The following AGFG2 variants were observed in gnomAD, a reference collection of about 807,000 sequenced individuals.
AGFG2 encodes the protein ArfGAP with FG repeats 2.
AGFG2 carries 31 observed loss-of-function variants against 48.0 expected under a neutral mutation model. That is an observed-to-expected ratio of 0.65 (90% CI 0.49 to 0.87). AGFG2 has a LOEUF of 0.87. Ranked by LOEUF, AGFG2 falls within the 40% of genes least tolerant of loss-of-function variation. The probability of loss-of-function intolerance (pLI) is 0.00; values close to 1 mark genes in which losing one functional copy is unlikely to be tolerated. For missense variants in AGFG2, 599 were observed against 632.6 expected, an observed-to-expected ratio of 0.95 and a Z score of 0.57; for synonymous variants, 229 against 260.8, an observed-to-expected ratio of 0.88 and a Z score of 1.18.
Position 100,539,236 on chromosome 7 carries a change from GC to G in AGFG2, c.-110del. 1 of 1,126,098 alleles carries G rather than the reference GC, an allele frequency of 8.9e-7. No individual in the cohort carries two copies. Among genetic ancestry groups the G allele is most frequent in the Non-Finnish European group, 1.1e-6 (1 of 880,640 alleles). 69.8% of individuals were successfully genotyped at this position (1,126,098 alleles called of 1,614,324 possible). The stretch of plus-strand genomic sequence containing the variant: ...GCGAAGTCTCCTGCGGATGCCGCCC[GC>G]TCCCGAGCTTCTGTCAGGGGAGCCG... On this transcript the variant is annotated 5_prime_UTR_variant, in exon 1 of 12. An upstream open reading frame in the 5' UTR gains an earlier in-frame stop. Coordinates refer to ENST00000300176, the MANE Select transcript of AGFG2 (RefSeq NM_006076.5).
intron 11 of AGFG2, among the ~76,000 whole-genome samples, chr7:100,564,565 C>T (rs1800964880): frequency 6.6e-6 from 1 of 151,562 alleles, no homozygotes; most frequent in Non-Finnish European, 1.5e-5. Flanking sequence ...TCTCCCAGGC[C>T]CAATCTCAGC....
chr7:100,546,300 T>C (rs1467016803), intron 1 of AGFG2, among the ~76,000 whole-genome samples: 12 of 152,078 alleles, frequency 7.9e-5, no homozygotes, highest in Non-Finnish European at 1.8e-4. Flanking sequence ...CATACCTCCC[T>C]GTTTACAGTT....
At chr7:100,545,341 A>T in intron 1 of AGFG2, among the ~76,000 whole-genome samples, 1 of 152,190 alleles carries the variant, frequency 6.6e-6, no homozygotes, top group East Asian at 1.9e-4. Flanking sequence ...TCACAGAAAA[A>T]CAAAAGGTGT....
At chr7:100,539,655 G>A (rs1348968896) in intron 1 of AGFG2, 88 bp downstream of exon 1, 12 of 1,082,054 alleles carry the variant, frequency 1.1e-5, no homozygotes, top group Non-Finnish European at 1.3e-5. Context: ...CGCGAGGGAA[G>A]GGGGCCGAGG....
chr7:100,561,031 G>C (rs1183353353), intron 6 of AGFG2, among the ~76,000 whole-genome samples: 1 of 148,214 alleles, frequency 6.7e-6, no homozygotes, highest in Non-Finnish European at 1.5e-5. Flanking sequence ...GTGTCAGCCA[G>C]GTTGGTCTTG....
rs1264604883 is a variant in AGFG2 at position 100,551,065 on chromosome 7, TATTTC to T, written c.431+555_431+559del. Among the ~76,000 whole-genome samples, 818 of 103,836 alleles carry T rather than the reference TATTTC, an allele frequency of 7.9e-3. 22 individuals are homozygous for T. The highest frequency in any genetic ancestry group is 0.015 in the Middle Eastern group (3 of 204). The allele number at this position is 103,836 out of a possible 152,430, so 68.1% of individuals were successfully genotyped here. A position where few individuals can be genotyped will look rare whatever the true frequency, so the allele number is the denominator to read the frequency against. On this transcript the variant is annotated intron_variant, in intron 3 of 11. Transcript: ENST00000300176. ...ATATATATATATATATATATATATA[TATTTC>T]TTTTTTTTTTTTTTTTTGAGACAGA...
At chr7:100,540,191 C>T (rs1461015757) in intron 1 of AGFG2, among the ~76,000 whole-genome samples, 1 of 151,590 alleles carries the variant, frequency 6.6e-6, no homozygotes, top group Non-Finnish European at 1.5e-5. Flanking sequence ...AGCCATGGTC[C>T]AGAGTTCAGG....
intron 9 of AGFG2, 132 bp from the exon 10 acceptor site, chr7:100,563,702 G>C (rs1472441761): frequency 1.2e-5 from 16 of 1,344,924 alleles, no homozygotes; most frequent in Non-Finnish European, 1.5e-5. Context: ...AGAGTTCCAT[G>C]GCTGGGTCCC....
Position 100,550,257 on chromosome 7 carries a change from A to G in AGFG2, c.316-139A>G, listed in dbSNP as rs1437934238. ...CGGAGGTGGAGGTTGCAGTGAGCTG[A>G]GATCGTGCCACTGCACTCCAGCCCG... On this transcript the variant is annotated intron_variant, in intron 2 of 11. Transcript: ENST00000300176. 17 of 581,658 alleles carry G rather than the reference A, an allele frequency of 2.9e-5. No individual in the cohort carries two copies. In the South Asian group the frequency reaches 3.4e-4, roughly 12 times the overall value. The allele number at this position is 581,658 out of a possible 1,614,324, so 36.0% of individuals were successfully genotyped here.
intron 1 of AGFG2, among the ~76,000 whole-genome samples, chr7:100,547,041 A>T (rs988694867): frequency 1.3e-5 from 2 of 152,208 alleles, no homozygotes; most frequent in African/African-American, 2.4e-5. Flanking sequence ...GAATTGCTGC[A>T]AACAGCGTCA....
rs1237836467 is a variant in AGFG2 at position 100,567,913 on chromosome 7, T to TG, written c.*2923dup. ...GGCAGTGTGTTGCCAAGGCAACTGA[T>TG]GTAGGCCAGTTGCGTGACTCCAGGT... On this transcript the variant is annotated 3_prime_UTR_variant, in exon 12 of 12. Coordinates refer to ENST00000300176, the MANE Select transcript of AGFG2 (RefSeq NM_006076.5). 1 of 152,410 alleles carries TG rather than the reference T, an allele frequency of 6.6e-6. No individual in the cohort carries two copies. Among genetic ancestry groups the TG allele is most frequent in the African/African-American group, 2.4e-5 (1 of 41,434 alleles). The allele number at this position is 152,410 out of a possible 1,614,324, so 9.4% of individuals were successfully genotyped here. A position where few individuals can be genotyped will look rare whatever the true frequency, so the allele number is the denominator to read the frequency against.
chr7:100,555,325 G>A (rs1800737808), intron 5 of AGFG2, among the ~76,000 whole-genome samples: 1 of 126,620 alleles, frequency 7.9e-6, no homozygotes, highest in East Asian at 2.6e-4. Flanking sequence ...CCAGGCTAGA[G>A]TAGAGTGGCA....
Position 100,562,524 on chromosome 7 carries a change from C to T in AGFG2, c.999-70C>T. 3.1e-6 allele frequency: 5 copies of T among 1,609,468 alleles called. No homozygotes were observed. Among genetic ancestry groups the T allele is most frequent in the African/African-American group, 1.3e-5 (1 of 74,990 alleles). ...TCACCCTGGAGAGCAGGGTTGGCAT[C>T]TCCTGGCCCCTTGCTCAGGTTTGAT... is the stretch of plus-strand genomic sequence containing the variant. On this transcript the variant is annotated intron_variant, in intron 7 of 11. Transcript: ENST00000300176. The surrounding 1 kb of genome is among the most constrained non-coding windows in gnomAD (Gnocchi z 5.4).
intron 6 of AGFG2, among the ~76,000 whole-genome samples, chr7:100,558,102 T>C (rs1352664732): frequency 1.3e-5 from 2 of 152,120 alleles, no homozygotes; most frequent in Admixed American, 1.3e-4. Flanking sequence ...TAATAGCAGC[T>C]ACTTGGGAGG....
chr7:100,549,880 G>A (rs1800592551), intron 2 of AGFG2, among the ~76,000 whole-genome samples: 2 of 151,690 alleles, frequency 1.3e-5, no homozygotes, highest in Admixed American at 1.3e-4. Flanking sequence ...TTTTTAGAGA[G>A]TGGGTTTCGC....
In AGFG2 at chr7:100,549,013, G is replaced by C. The variant is rs542881377; in HGVS notation, c.315+98G>C. 1.1e-4 allele frequency: 108 copies of C among 968,000 alleles called. 1 individual carries two copies. In the African/African-American group the frequency reaches 1.5e-3, roughly 13 times the overall value. 60.0% of individuals were successfully genotyped at this position (968,000 alleles called of 1,614,324 possible). A position where few individuals can be genotyped will look rare whatever the true frequency, so the allele number is the denominator to read the frequency against. On this transcript the variant is annotated intron_variant, in intron 2 of 11. Coordinates refer to ENST00000300176, the MANE Select transcript of AGFG2 (RefSeq NM_006076.5). ...AAACCTTACGGTTTTATTTTTGGTTGAGTTTCTCTTAATTTTTTCATATGT... is the reference window on the plus strand; with the variant it reads ...AAACCTTACGGTTTTATTTTTGGTTCAGTTTCTCTTAATTTTTTCATATGT...
intron 1 of AGFG2, among the ~76,000 whole-genome samples, chr7:100,545,220 T>G (rs974819963): frequency 6.6e-6 from 1 of 152,156 alleles, no homozygotes; most frequent in African/African-American, 2.4e-5. Flanking sequence ...TGGAACTGGT[T>G]TTTTTCCATT....
Position 100,564,319 on chromosome 7 carries a change from G to T in AGFG2, c.1386+16G>T. The T allele has an allele frequency of 6.2e-7, 1 of 1,609,214 alleles. No homozygotes were observed. On this transcript the variant is annotated intron_variant, in intron 11 of 11. Transcript: ENST00000300176. ...CCCCTTCATGGTGAGTGTGCCAGCA[G>T]GGGTGCTGTGGTAGGGCTCGTGGGC...
intron 6 of AGFG2, among the ~76,000 whole-genome samples, chr7:100,558,548 T>G (rs1428490307): frequency 6.6e-6 from 1 of 150,610 alleles, no homozygotes. Context: ...TGTTTTTGTT[T>G]TTTTTTTTTT....
Sources: allele counts gnomAD v4.1 joint callset (sites outside exome capture counted in the v4.1 genomes callset), GRCh38; gene constraint gnomAD v4.1.1; non-coding constraint Gnocchi (gnomAD v3.1); transcripts MANE v1.5; gene names NCBI Gene and HGNC (gene_info 2026-07-23, HGNC 2026-07-21).